The following RAD50 variants were observed in gnomAD, a reference collection of about 807,000 sequenced individuals.
The protein encoded by RAD50 is DNA repair protein RAD50.
Under a neutral mutation model 168.8 loss-of-function variants are expected in RAD50, and 132 were observed. The observed-to-expected ratio is 0.78, with a 90% CI of 0.68 to 0.90. The LOEUF is 0.90. RAD50 is among the 40% of genes least tolerant of loss of function. RAD50 has a pLI of 0.00. For missense variants in RAD50, 1,347 were observed against 1,534.4 expected, an observed-to-expected ratio of 0.88 and a Z score of 2.04; for synonymous variants, 525 against 497.4, an observed-to-expected ratio of 1.06 and a Z score of -0.74.
chr5:132,636,139 A>G (rs1751578071), intron 21 of RAD50, among the ~76,000 whole-genome samples: 1 of 152,164 alleles, frequency 6.6e-6, no homozygotes, highest in South Asian at 2.1e-4. Flanking sequence ...ACATCCTCAC[A>G]TCCTTTGTAT....
intron 20 of RAD50, among the ~76,000 whole-genome samples, chr5:132,617,330 C>T (rs1250985994): frequency 6.6e-6 from 1 of 152,136 alleles, no homozygotes; most frequent in Non-Finnish European, 1.5e-5. Flanking sequence ...AACTATTTTT[C>T]AAACGTTTCT....
rs572963994 is a variant in RAD50, at chr5:132,644,068, A to C, written c.*1704A>C. On this transcript the variant is annotated 3_prime_UTR_variant, in exon 25 of 25. Coordinates refer to ENST00000378823, the MANE Select transcript of RAD50 (RefSeq NM_005732.4). ...TTCTCAGTAAATATTAAAGCCAGTT[A>C]CCTTCTATCAACATGTTAATGAAAG... 4.9e-6 allele frequency: 1 copy of C among 206,146 alleles called. No individual in the cohort carries two copies. Among genetic ancestry groups the C allele is most frequent in the African/African-American group, 2.3e-5 (1 of 44,102 alleles). The allele number at this position is 206,146 out of a possible 1,614,324, so 12.8% of individuals were successfully genotyped here. A position where few individuals can be genotyped will look rare whatever the true frequency, so the allele number is the denominator to read the frequency against.
chr5:132,588,190 A>G (rs1181284202), intron 7 of RAD50, 101 bp downstream of exon 7: 11 of 1,346,610 alleles, frequency 8.2e-6, no homozygotes, highest in East Asian at 4.7e-5. Context: ...TGAAAAGCCA[A>G]TCTTAAAAGG....
Position 132,609,323 on chromosome 5 carries a change from G to A in RAD50, c.2963G>A (p.Ser988Asn). 1 of 1,613,714 alleles carries A rather than the reference G, an allele frequency of 6.2e-7. No homozygotes were observed. Among genetic ancestry groups the A allele is most frequent in the Non-Finnish European group, 8.5e-7 (1 of 1,179,874 alleles). ...TELNKVIAQLSECEKHKEKIN... is the reference protein window; with the variant it reads ...TELNKVIAQLNECEKHKEKIN... ...CTTAATAAAGTAATAGCTCAACTAA[G>A]TGAATGCGAGAAACACAAAGAAAAG... The change falls in exon 19 of 25, where the codon AGT (serine) becomes AAT (asparagine). Residue 988 changes from serine to asparagine, a missense_variant. Coordinates refer to ENST00000378823, the MANE Select transcript of RAD50 (RefSeq NM_005732.4).
chr5:132,608,768 A>G, intron 17 of RAD50, 43 bp downstream of exon 17: 1 of 1,545,294 alleles, frequency 6.5e-7, no homozygotes, highest in Middle Eastern at 2.3e-4. Flanking sequence ...TATCTGTATT[A>G]AACTTATGTT....
intron 1 of RAD50, among the ~76,000 whole-genome samples, chr5:132,558,006 C>CTT (rs80037304): frequency 7.0e-6 from 1 of 142,848 alleles, no homozygotes; most frequent in Admixed American, 7.0e-5. Context: ...GCACGACTGA[C>CTT]TTTTTTTTTT....
chr5:132,570,278 A>G (rs1268738505), intron 2 of RAD50, among the ~76,000 whole-genome samples: 1 of 151,828 alleles, frequency 6.6e-6, no homozygotes, highest in Non-Finnish European at 1.5e-5. Flanking sequence ...ATGGGGGGGG[A>G]AATGGAGAAA....
intron 6 of RAD50, 39 bp from the exon 7 acceptor site, chr5:132,587,885 T>C (rs1409672790): frequency 1.9e-6 from 3 of 1,596,778 alleles, no homozygotes; most frequent in Admixed American, 1.7e-5. Flanking sequence ...TATTTTCTTA[T>C]GTTTGTACAT....
At chr5:132,595,188 C>G (rs1259945928) in intron 12 of RAD50, 144 bp downstream of exon 12, 1 of 889,094 alleles carries the variant, frequency 1.1e-6, no homozygotes, top group African/African-American at 1.7e-5. Context: ...AACTTACTCA[C>G]TGTGTGACTT....
At chr5:132,559,963 A>G (rs1238469745) in intron 2 of RAD50, among the ~76,000 whole-genome samples, 1 of 152,080 alleles carries the variant, frequency 6.6e-6, no homozygotes, top group Non-Finnish European at 1.5e-5. Flanking sequence ...CATTGTTTGA[A>G]TTATGGTGTT....
At chr5:132,599,840 C>T (rs1368043017) in intron 13 of RAD50, among the ~76,000 whole-genome samples, 1 of 152,070 alleles carries the variant, frequency 6.6e-6, no homozygotes, top group East Asian at 1.9e-4. Flanking sequence ...CCCATTTGGG[C>T]CTTCGTATCC....
At chr5:132,592,613 C>G (rs1750722802) in intron 11 of RAD50, among the ~76,000 whole-genome samples, 1 of 152,220 alleles carries the variant, frequency 6.6e-6, no homozygotes, top group Admixed American at 6.5e-5. Flanking sequence ...TGTTACCTTT[C>G]TTCGGCCCTC....
At chr5:132,562,333 C>T (rs1180416370) in intron 2 of RAD50, among the ~76,000 whole-genome samples, 3 of 152,002 alleles carry the variant, frequency 2.0e-5, no homozygotes, top group Non-Finnish European at 4.4e-5. Context: ...AAAGATAGGG[C>T]AGAGACAAAT....
intron 9 of RAD50, 39 bp downstream of exon 9, chr5:132,589,876 T>C (rs1750668356): frequency 2.0e-6 from 3 of 1,515,638 alleles, no homozygotes; most frequent in Admixed American, 1.7e-5. Context: ...TTTTAAGATA[T>C]AATACTTTTA....
chr5:132,579,438 A>T lies in RAD50; in HGVS notation c.487A>T (p.Asn163Tyr). 6.2e-7 allele frequency: 1 copy of T among 1,613,994 alleles called. No individual in the cohort carries two copies. Among genetic ancestry groups the T allele is most frequent in the African/African-American group, 1.3e-5 (1 of 75,044 alleles). The change falls in exon 4 of 25, where the codon AAT becomes TAT. Residue 163 changes from asparagine (N) to tyrosine (Y), a missense_variant. By Grantham distance (143) the Asn-to-Tyr change is moderately radical. This residue lies in a region of RAD50 where 703 missense variants were observed against 767.7 expected (regional missense o/e 0.92). Coordinates refer to ENST00000378823, the MANE Select transcript of RAD50 (RefSeq NM_005732.4). Reference protein sequence around the residue: ...NVIFCHQEDSNWPLSEGKALK... With the variant: ...NVIFCHQEDSYWPLSEGKALK... ...CATTTTCTGTCATCAAGAAGATTCTAATTGGCCTTTAAGTGAAGGAAAGGC... is the reference window on the plus strand; with the variant it reads ...CATTTTCTGTCATCAAGAAGATTCTTATTGGCCTTTAAGTGAAGGAAAGGC...
chr5:132,587,809 A>G, intron 6 of RAD50, 115 bp from the exon 7 acceptor site: 1 of 1,537,736 alleles, frequency 6.5e-7, no homozygotes, highest in South Asian at 1.1e-5. Flanking sequence ...TGTTACTTCT[A>G]TGTATATGTT....
At chr5:132,599,078 T>A (rs1750842283) in intron 13 of RAD50, among the ~76,000 whole-genome samples, 1 of 152,214 alleles carries the variant, frequency 6.6e-6, no homozygotes, top group Non-Finnish European at 1.5e-5. Context: ...GCTGAATGAA[T>A]GAGAACTGTA....
chr5:132,578,167 C>G (rs1238829568), intron 3 of RAD50, among the ~76,000 whole-genome samples: 1 of 152,172 alleles, frequency 6.6e-6, no homozygotes, highest in African/African-American at 2.4e-5. Context: ...TTCAACGTTT[C>G]CAAAACCAAA....
intron 15 of RAD50, among the ~76,000 whole-genome samples, chr5:132,604,304 C>T (rs1040416401): frequency 1.8e-4 from 27 of 150,184 alleles, no homozygotes; most frequent in Middle Eastern, 3.2e-3. Flanking sequence ...TCACTTTTGT[C>T]GCCCAGGCTG....
Sources: gnomAD v4.1 joint callset for allele counts (sites outside exome capture counted in the v4.1 genomes callset) on GRCh38, gnomAD v4.1.1 for gene constraint, gnomAD v4.1.1 regional missense constraint, MANE v1.5 for transcripts, NCBI Gene and HGNC (gene_info 2026-07-23, HGNC 2026-07-21) for gene names.